The following ACACB variants were observed in gnomAD, a reference collection of about 807,000 sequenced individuals.
ACACB encodes acetyl-CoA carboxylase 2.
ACACB carries 209 observed loss-of-function variants against 278.8 expected under a neutral mutation model. That is an observed-to-expected ratio of 0.75 (90% CI 0.67 to 0.84). The LOEUF (loss-of-function observed/expected upper bound fraction) is 0.84. Ranked by LOEUF, ACACB falls within the 40% of genes least tolerant of loss-of-function variation. ACACB has a pLI of 0.00. For synonymous variants in ACACB, 1,174 were observed against 1,285.6 expected (o/e 0.91, Z 1.86); for missense variants, 2,850 against 3,269.0 (o/e 0.87, Z 3.13).
intron 1 of ACACB, among the ~76,000 whole-genome samples, chr12:109,137,229 C>T (rs1049568396): frequency 1.3e-5 from 2 of 152,006 alleles, no homozygotes; most frequent in Admixed American, 6.6e-5. Context: ...CTGTGTACTA[C>T]CTAGAAAATA....
Position 109,222,907 on chromosome 12 carries a change from C to G in ACACB, c.3787C>G (p.Leu1263Val). Residue 1263 changes from leucine to valine, a missense_variant, in exon 26 of 53, where the codon CTC (leucine) becomes GTC (valine). Leu to Val is a conservative substitution (Grantham distance 32, BLOSUM62 1). Around this residue, in one of 3 missense-constraint regions of ACACB, gnomAD observed 2,265 missense variants for 2,561.3 expected, o/e 0.88. Transcript: ENST00000338432. ...MYGHQFCPEN[L>V]KKLILSETTI... ...CGGCCACCAGTTCTGCCCCGAGAACCTCAAGGTGAGCCCGTCTCCTTCCTT... is the reference window on the plus strand; with the variant it reads ...CGGCCACCAGTTCTGCCCCGAGAACGTCAAGGTGAGCCCGTCTCCTTCCTT... 1 of 1,606,846 alleles carries G rather than the reference C, an allele frequency of 6.2e-7. No individual in the cohort carries two copies. The highest frequency in any genetic ancestry group is 8.5e-7 in the Non-Finnish European group (1 of 1,176,060).
chr12:109,240,873 A>G (rs1044737924), intron 35 of ACACB, among the ~76,000 whole-genome samples: 2 of 152,290 alleles, frequency 1.3e-5, no homozygotes, highest in Admixed American at 1.3e-4. Context: ...TCTCTTGAGT[A>G]CTTACGAAGG....
intron 20 of ACACB, among the ~76,000 whole-genome samples, chr12:109,207,885 G>T (rs189374372): frequency 6.6e-6 from 1 of 151,960 alleles, no homozygotes; most frequent in Non-Finnish European, 1.5e-5. Context: ...CTACCGTGTT[G>T]GCCAGGCTGG....
intron 4 of ACACB, 27 bp from the exon 5 acceptor site, chr12:109,171,778 T>A (rs1445212581): frequency 1.3e-6 from 2 of 1,572,458 alleles, no homozygotes; most frequent in Non-Finnish European, 1.8e-6. Flanking sequence ...CAGCAGTTCC[T>A]TCCTTCTCCC....
chr12:109,160,416 C>A (rs981925827), intron 2 of ACACB, among the ~76,000 whole-genome samples: 4 of 152,122 alleles, frequency 2.6e-5, no homozygotes, highest in African/African-American at 9.7e-5. Context: ...ACTGAGAGGC[C>A]CCCTGTGCCC....
Position 109,205,939 on chromosome 12 carries a change from G to A in ACACB, c.2914-771G>A, listed in dbSNP as rs2045493356. Among the ~76,000 whole-genome samples, 3 of 152,180 alleles carry A rather than the reference G, an allele frequency of 2.0e-5. 1 individual carries two copies. The highest frequency in any genetic ancestry group is 7.2e-5 in the African/African-American group (3 of 41,438). ...GTAGACGAATGAGCACATTTAGTCT[G>A]TGTTGCCCTCTAGGGAGCTTTTTAT... is the stretch of plus-strand genomic sequence containing the variant. On this transcript the variant is annotated intron_variant, in intron 19 of 52. Transcript: ENST00000338432.
At chr12:109,154,863 C>G (rs553834461) in intron 2 of ACACB, 2 of 152,828 alleles carry the variant, frequency 1.3e-5, no homozygotes, top group South Asian at 4.1e-4. Flanking sequence ...CCTGCGGGAG[C>G]CCGGTGGGAT....
chr12:109,164,923 C>T (rs943532861), intron 2 of ACACB, among the ~76,000 whole-genome samples: 8 of 151,790 alleles, frequency 5.3e-5, no homozygotes, highest in Non-Finnish European at 1.0e-4. Context: ...GGATGTCTTC[C>T]ACTGAAACCA....
At position 109,223,844 on chromosome 12, in the gene ACACB, C is replaced by T. The variant is rs187996497; in HGVS notation, c.3822C>T (p.Phe1274=). 2.4e-5 allele frequency: 38 copies of T among 1,614,134 alleles called. No individual in the cohort carries two copies. The Admixed American group carries it at 2.8e-4, about 12-fold the overall frequency. ...TAATACTTTCGGAAACAACCATCTT[C>T]GACGTCCTGCCTACTTTCTTCTATC... ...KKLILSETTI[F]DVLPTFFYHA... Residue 1274 remains phenylalanine (F), a synonymous_variant, in exon 27 of 53, where the codon TTC becomes TTT. Coordinates refer to ENST00000338432, the MANE Select transcript of ACACB (RefSeq NM_001093.4).
chr12:109,255,134 A>G (rs376816951), intron 44 of ACACB, among the ~76,000 whole-genome samples: 2 of 152,314 alleles, frequency 1.3e-5, no homozygotes, highest in East Asian at 3.9e-4. Flanking sequence ...GGACACGTGA[A>G]CACACATGCA....
At chr12:109,119,539 G>A (rs944489300) in intron 1 of ACACB, among the ~76,000 whole-genome samples, 4 of 150,872 alleles carry the variant, frequency 2.7e-5, no homozygotes, top group Admixed American at 6.6e-5. Flanking sequence ...GCCGTGAACC[G>A]AGATGGTGCC....
intron 45 of ACACB, among the ~76,000 whole-genome samples, chr12:109,256,610 C>T (rs912512292): frequency 6.6e-6 from 1 of 152,236 alleles, no homozygotes; most frequent in African/African-American, 2.4e-5. Flanking sequence ...TGGGAGGCTG[C>T]AATGCTTGCA....
At chr12:109,260,703 C>A in intron 48 of ACACB, 46 bp downstream of exon 48, 1 of 1,494,136 alleles carries the variant, frequency 6.7e-7, no homozygotes, top group South Asian at 1.4e-5. Context: ...CTTGTTCTCC[C>A]AGCCTTGAGA....
intron 31 of ACACB, 112 bp from the exon 32 acceptor site, chr12:109,235,201 T>C (rs1271866680): frequency 2.3e-6 from 2 of 882,948 alleles, no homozygotes; most frequent in African/African-American, 3.3e-5. Context: ...ATGATTGACA[T>C]CTTCCACTTA....
intron 13 of ACACB, among the ~76,000 whole-genome samples, chr12:109,189,439 G>A (rs964145540): frequency 6.6e-6 from 1 of 152,162 alleles, no homozygotes; most frequent in African/African-American, 2.4e-5. Context: ...AGTGACCTGT[G>A]GCTTGTCACA....
At chr12:109,186,420 G>T (rs1219354383) in intron 12 of ACACB, among the ~76,000 whole-genome samples, 1 of 152,144 alleles carries the variant, frequency 6.6e-6, no homozygotes, top group Non-Finnish European at 1.5e-5. Context: ...CAAAAGCCAT[G>T]CCTATCTTTG....
intron 24 of ACACB, among the ~76,000 whole-genome samples, chr12:109,221,272 A>C (rs1175795621): frequency 6.6e-6 from 1 of 152,198 alleles, no homozygotes; most frequent in Non-Finnish European, 1.5e-5. Flanking sequence ...GTAGAAAAAA[A>C]TGCCCCACAG....
Position 109,235,834 on chromosome 12 carries a change from C to CA in ACACB, c.4446+194dup, listed in dbSNP as rs1454173778. The CA allele has an allele frequency of 9.6e-5, 52 of 540,508 alleles. 1 individual carries two copies. Among genetic ancestry groups the CA allele is most frequent in the Non-Finnish European group, 1.9e-5 (6 of 310,202 alleles). The allele number at this position is 540,508 out of a possible 1,614,324, so 33.5% of individuals were successfully genotyped here. Reference sequence around the variant, plus strand: ...GTTATATAGTGAGACCCTGTCTCTACAAAAAAATTAAAAAATCAGCCTGGC... The same window carrying CA: ...GTTATATAGTGAGACCCTGTCTCTACAAAAAAAATTAAAAAATCAGCCTGGC... On this transcript the variant is annotated intron_variant, in intron 33 of 52. Transcript: ENST00000338432.
chr12:109,122,151 G>A (rs569574775), intron 1 of ACACB, among the ~76,000 whole-genome samples: 1 of 152,304 alleles, frequency 6.6e-6, no homozygotes, highest in East Asian at 1.9e-4. Flanking sequence ...ATGGAAAGGG[G>A]TGCAGTGAGC....
Sources: gnomAD v4.1 joint callset for allele counts (sites outside exome capture counted in the v4.1 genomes callset) on GRCh38, gnomAD v4.1.1 for gene constraint, gnomAD v4.1.1 regional missense constraint, MANE v1.5 for transcripts, NCBI Gene and HGNC (gene_info 2026-07-23, HGNC 2026-07-21) for gene names.